EIF4G3: variants seen among roughly 807,000 people sequenced by gnomAD.
EIF4G3 encodes eukaryotic translation initiation factor 4 gamma 3, also known as eIF-4-gamma 3.
Under a neutral mutation model 186.4 loss-of-function variants are expected in EIF4G3, and 34 were observed. That is an observed-to-expected ratio of 0.18 (90% CI 0.14 to 0.24). EIF4G3 has a LOEUF of 0.24. Among genes scored for constraint, EIF4G3 ranks in the 10% least tolerant of loss-of-function variants. The pLI is 1.00. For missense variants in EIF4G3, 1,536 were observed against 1,948.5 expected (o/e 0.79, Z 3.99); for synonymous variants, 673 against 679.5 (o/e 0.99, Z 0.15).
chr1:20,941,509 T>C lies in EIF4G3; in HGVS notation c.1645A>G (p.Arg549Gly), dbSNP rs1299628977. The change falls in exon 14 of 37, where the codon AGA (arginine) becomes GGA (glycine). Residue 549 changes from arginine to glycine, a missense_variant. Coordinates refer to ENST00000602326, the MANE Select transcript of EIF4G3 (RefSeq NM_001391906.1). ...GGCTTACCTGGGACAGGGCTCCTTC[T>C]TGAATTTAAGTTTTGAGAATCCAAA... ...EILDSQNLNS[R>G]RSPVPAQIAI... 4 of 1,609,970 alleles carry C rather than the reference T, an allele frequency of 2.5e-6. No homozygotes were observed. Among genetic ancestry groups the C allele is most frequent in the Admixed American group, 1.7e-5 (1 of 59,382 alleles).
chr1:20,856,439 ACCCACTGGACTTTAGAAGTTT>A (rs1196629302), intron 25 of EIF4G3, among the ~76,000 whole-genome samples: 1 of 152,104 alleles, frequency 6.6e-6, no homozygotes, highest in Admixed American at 6.5e-5. Context: ...GATTTGGAAA[ACCCACTGGACTTTAGAAGTTT>A]CCACTCTTAT....
chr1:20,964,806 AAACCTAATGGTT>A (rs1207328189), intron 12 of EIF4G3, among the ~76,000 whole-genome samples: 1 of 152,196 alleles, frequency 6.6e-6, no homozygotes, highest in African/African-American at 2.4e-5. Context: ...GACCATGATA[AAACCTAATGGTT>A]AACACCAGAG....
intron 2 of EIF4G3, among the ~76,000 whole-genome samples, chr1:21,107,084 T>C (rs758490078): frequency 1.3e-5 from 2 of 152,158 alleles, no homozygotes; most frequent in Non-Finnish European, 2.9e-5. Context: ...ACAGAAATAA[T>C]ATATTCAGAG....
intron 28 of EIF4G3, among the ~76,000 whole-genome samples, chr1:20,850,265 A>C (rs1254411221): frequency 2.0e-5 from 3 of 152,194 alleles, no homozygotes; most frequent in Non-Finnish European, 2.9e-5. Context: ...ATAAAAACAC[A>C]TAGGGCAGCT....
intron 33 of EIF4G3, among the ~76,000 whole-genome samples, chr1:20,821,418 AT>A (rs1312233929): frequency 6.6e-6 from 1 of 152,182 alleles, no homozygotes; most frequent in African/African-American, 2.4e-5. Context: ...TTTTTTCATT[AT>A]GCAATCCCCT....
chr1:21,158,160 A>G (rs1250476211), intron 2 of EIF4G3, among the ~76,000 whole-genome samples: 2 of 151,282 alleles, frequency 1.3e-5, no homozygotes, highest in African/African-American at 4.9e-5. Context: ...CTCTTTAACA[A>G]ATACATAGCT....
At chr1:20,923,432 T>C (rs2094625315) in intron 14 of EIF4G3, among the ~76,000 whole-genome samples, 1 of 152,190 alleles carries the variant, frequency 6.6e-6, no homozygotes, top group African/African-American at 2.4e-5. Flanking sequence ...TAAGACACTT[T>C]TGAACCACTT....
At chr1:21,063,726 G>A (rs1325462322) in intron 3 of EIF4G3, among the ~76,000 whole-genome samples, 2 of 124,086 alleles carry the variant, frequency 1.6e-5, no homozygotes, top group Non-Finnish European at 3.4e-5. Flanking sequence ...GTGTTGGGGG[G>A]GGGGACGCAG....
intron 2 of EIF4G3, chr1:21,162,174 T>C (rs557124748): frequency 6.6e-6 from 1 of 152,386 alleles, no homozygotes; most frequent in Non-Finnish European, 1.5e-5. Context: ...ATAATTTCCA[T>C]GTCTGTCTTT....
intron 2 of EIF4G3, among the ~76,000 whole-genome samples, chr1:21,167,200 A>G (rs1328429844): frequency 6.6e-6 from 1 of 152,208 alleles, no homozygotes; most frequent in Non-Finnish European, 1.5e-5. Context: ...ATGTAAAAAT[A>G]GTATTCTGGT....
chr1:20,863,505 C>T (rs111640461), intron 22 of EIF4G3, among the ~76,000 whole-genome samples: 156 of 136,136 alleles, frequency 1.1e-3, no homozygotes, highest in African/African-American at 4.3e-3. Flanking sequence ...AGTGCGATGG[C>T]GCAATCTTGG....
At chr1:21,093,285 G>GCAAAGGATATGAACAGA (rs1433431537) in intron 2 of EIF4G3, among the ~76,000 whole-genome samples, 3 of 152,150 alleles carry the variant, frequency 2.0e-5, no homozygotes, top group African/African-American at 7.2e-5. Context: ...CACAAAGTGG[G>GCAAAGGATATGAACAGA]CAAAGGATAT....
intron 2 of EIF4G3, among the ~76,000 whole-genome samples, chr1:21,142,912 C>A (rs2097364857): frequency 6.6e-6 from 1 of 152,012 alleles, no homozygotes; most frequent in African/African-American, 2.4e-5. Context: ...AAATAGATAT[C>A]TATTACTGAA....
intron 20 of EIF4G3, among the ~76,000 whole-genome samples, chr1:20,877,342 T>C (rs903248784): frequency 1.3e-5 from 2 of 152,192 alleles, no homozygotes; most frequent in African/African-American, 4.8e-5. Context: ...TGGCAAGTGA[T>C]TGAGTTAAAT....
intron 11 of EIF4G3, among the ~76,000 whole-genome samples, chr1:20,972,247 G>T (rs1345651670): frequency 6.6e-6 from 1 of 152,112 alleles, no homozygotes; most frequent in African/African-American, 2.4e-5. Context: ...TATTTCACAG[G>T]AAGGATTTTT....
chr1:20,948,828 G>A (rs1311117212), intron 13 of EIF4G3, among the ~76,000 whole-genome samples: 2 of 151,728 alleles, frequency 1.3e-5, no homozygotes, highest in African/African-American at 4.8e-5. Context: ...GGCCAACATG[G>A]TGAAACCCCG....
rs538186546 is a variant in EIF4G3 at position 21,089,175 on chromosome 1, C to T, written c.-233G>A. ...TGCTGAGACAGCGGGAGTGAAGATT[C>T]GATCCTCAAGAGGTTGTTGCACAGG... is the stretch of plus-strand genomic sequence containing the variant. On this transcript the variant is annotated 5_prime_UTR_variant, in exon 3 of 37. Transcript: ENST00000602326. 15 of 717,332 alleles carry T rather than the reference C, an allele frequency of 2.1e-5. No homozygotes were observed. Among genetic ancestry groups the T allele is most frequent in the Admixed American group, 6.0e-5 (3 of 50,006 alleles). 44.4% of individuals were successfully genotyped at this position (717,332 alleles called of 1,614,324 possible). A position where few individuals can be genotyped will look rare whatever the true frequency, so the allele number is the denominator to read the frequency against.
At chr1:20,817,625 C>G in intron 33 of EIF4G3, 87 bp from the exon 34 acceptor site, 2 of 757,956 alleles carry the variant, frequency 2.6e-6, no homozygotes, top group Non-Finnish European at 3.6e-6. Flanking sequence ...TCATAGGTTA[C>G]GTCTTCTATT....
intron 13 of EIF4G3, among the ~76,000 whole-genome samples, chr1:20,948,325 C>T (rs2096059867): frequency 6.6e-6 from 1 of 152,296 alleles, no homozygotes. Flanking sequence ...AATGGCTTTA[C>T]TATTTAAAGA....
Sources: gnomAD v4.1 joint callset for allele counts (sites outside exome capture counted in the v4.1 genomes callset) on GRCh38, gnomAD v4.1.1 for gene constraint, MANE v1.5 for transcripts, NCBI Gene and HGNC (gene_info 2026-07-23, HGNC 2026-07-21) for gene names.